The following GPR160 variants were observed in gnomAD, a reference collection of about 807,000 sequenced individuals.
The protein encoded by GPR160 is G protein-coupled receptor 160.
Under a neutral mutation model 2.6 loss-of-function variants are expected in GPR160, and 2 were observed. The ratio of observed to expected loss-of-function variants is 0.77; its 90% CI spans 0.32 to 2.44. The LOEUF is 2.44. GPR160 is among the 30% of genes most tolerant of loss of function. GPR160 has a pLI of 0.11. For missense variants in GPR160, 351 were observed against 383.6 expected, an observed-to-expected ratio of 0.91 and a Z score of 0.71; for synonymous variants, 130 against 132.2, an observed-to-expected ratio of 0.98 and a Z score of 0.12.
Position 170,048,832 on chromosome 3 carries a change from G to A in GPR160, c.-193+9789G>A, listed in dbSNP as rs76213041. 2.7e-3 allele frequency among the ~76,000 whole-genome samples: 408 copies of A among 152,282 alleles called. 9 individuals are homozygous for A. In the East Asian group the frequency reaches 0.068, roughly 26 times the overall value. On this transcript the variant is annotated intron_variant, in intron 2 of 3. Coordinates refer to ENST00000355897, the MANE Select transcript of GPR160 (RefSeq NM_014373.3). ...AGGCTTGCTCCATGCGTGGCCTGTCGGCTGGCAGCATGGCATCACCTGGGA... is the reference window on the plus strand; with the variant it reads ...AGGCTTGCTCCATGCGTGGCCTGTCAGCTGGCAGCATGGCATCACCTGGGA...
chr3:170,084,442 A>G lies in GPR160; in HGVS notation c.470A>G (p.Asp157Gly). The G allele has an allele frequency of 6.2e-7, 1 of 1,612,512 alleles. No homozygotes were observed. Among genetic ancestry groups the G allele is most frequent in the Non-Finnish European group, 8.5e-7 (1 of 1,178,636 alleles). The part of the protein sequence containing the change: ...WISVLAYVLG[D>G]PAIYQSLKAQ... ...TCAGTCCTTGCTTATGTTTTGGGAG[A>G]CCCAGCCATCTACCAAAGCCTGAAG... Residue 157 changes from aspartate (D) to glycine (G), a missense_variant, in exon 4 of 4, where the codon GAC (aspartate) becomes GGC (glycine). By Grantham distance (94) the Asp-to-Gly change is moderately conservative. Coordinates refer to ENST00000355897, the MANE Select transcript of GPR160 (RefSeq NM_014373.3).
intron 2 of GPR160, among the ~76,000 whole-genome samples, chr3:170,079,174 C>A (rs1713008405): frequency 6.6e-6 from 1 of 152,224 alleles, no homozygotes; most frequent in South Asian, 2.1e-4. Context: ...TTCAAGGCTG[C>A]TCTCTTCTTC....
chr3:170,084,404 T>TTTAA lies in GPR160; in HGVS notation c.435_438dup (p.Trp147AsnfsTer74). On this transcript the variant is annotated frameshift_variant, in exon 4 of 4. Coordinates refer to ENST00000355897, the MANE Select transcript of GPR160 (RefSeq NM_014373.3). LOFTEE classifies it low-confidence loss of function (END_TRUNC). ...AATTATTTTATTTCTTTACAGTAATTTTAATTTGGATTTCAGTCCTTGCTT... is the reference window on the plus strand; with the variant it reads ...AATTATTTTATTTCTTTACAGTAATTTTAATTAATTTGGATTTCAGTCCTTGCTT... 9 of 1,607,296 alleles carry TTTAA rather than the reference T, an allele frequency of 5.6e-6. No homozygotes were observed. Among genetic ancestry groups the TTTAA allele is most frequent in the Non-Finnish European group, 7.7e-6 (9 of 1,174,112 alleles).
intron 2 of GPR160, among the ~76,000 whole-genome samples, chr3:170,075,204 G>A (rs1400280270): frequency 6.6e-6 from 1 of 151,912 alleles, no homozygotes; most frequent in Non-Finnish European, 1.5e-5. Context: ...CTCCAGCCTG[G>A]GCAACAAGAG....
At chr3:170,042,433 A>AAG (rs1553766312) in intron 2 of GPR160, among the ~76,000 whole-genome samples, 22 of 150,978 alleles carry the variant, frequency 1.5e-4, no homozygotes, top group South Asian at 6.2e-4. Flanking sequence ...AAAAAAAAAA[A>AAG]AAAGAAAGAA....
chr3:170,053,041 T>C (rs1434618189), intron 2 of GPR160, among the ~76,000 whole-genome samples: 1 of 152,004 alleles, frequency 6.6e-6, no homozygotes, highest in Admixed American at 6.5e-5. Context: ...TTAAGCTCAT[T>C]GTCTTGAGTT....
At chr3:170,060,841 CATGACCAGTA>C (rs1385508021) in intron 2 of GPR160, among the ~76,000 whole-genome samples, 4 of 152,140 alleles carry the variant, frequency 2.6e-5, no homozygotes, top group East Asian at 1.9e-4. Flanking sequence ...CCTAACATCA[CATGACCAGTA>C]ATGAGACATG....
At chr3:170,055,701 C>G (rs188708306) in intron 2 of GPR160, among the ~76,000 whole-genome samples, 2 of 152,236 alleles carry the variant, frequency 1.3e-5, no homozygotes, top group Non-Finnish European at 2.9e-5. Flanking sequence ...GTGGCGCGAT[C>G]CCGGCTCACT....
In GPR160 at chr3:170,084,663, A is replaced by G. The variant is rs756783792; in HGVS notation, c.691A>G (p.Ser231Gly). 7.5e-6 allele frequency: 12 copies of G among 1,608,794 alleles called. No homozygotes were observed. Among genetic ancestry groups the G allele is most frequent in the Non-Finnish European group, 1.0e-5 (12 of 1,175,414 alleles). Residue 231 changes from serine (S) to glycine (G), a missense_variant, in exon 4 of 4, where the codon AGT (serine) becomes GGT (glycine). Ser to Gly is a moderately conservative substitution (Grantham distance 56). Transcript: ENST00000355897. ...ATATTTTCCTTTTTCATCCCACTCC[A>G]GTTATACTGTGAGATCTAAAAAAAT... ...ILYFPFSSHS[S>G]YTVRSKKIFL... is the part of the protein sequence containing the mutation.
At chr3:170,076,390 A>T (rs1253377766) in intron 2 of GPR160, among the ~76,000 whole-genome samples, 1 of 152,120 alleles carries the variant, frequency 6.6e-6, no homozygotes, top group Non-Finnish European at 1.5e-5. Flanking sequence ...TCAAGCGAAG[A>T]CCACATTTCA....
At chr3:170,041,045 G>A (rs1010858897) in intron 2 of GPR160, among the ~76,000 whole-genome samples, 2 of 152,054 alleles carry the variant, frequency 1.3e-5, no homozygotes, top group Admixed American at 1.3e-4. Flanking sequence ...TGTCATGCTT[G>A]GTCAGTACTT....
At chr3:170,056,063 T>A (rs760393708) in intron 2 of GPR160, among the ~76,000 whole-genome samples, 6 of 152,364 alleles carry the variant, frequency 3.9e-5, no homozygotes, top group African/African-American at 7.2e-5. Context: ...TGATTTTTTT[T>A]AAGATATATT....
At chr3:170,071,239 TG>T (rs1263985546) in intron 2 of GPR160, among the ~76,000 whole-genome samples, 1 of 152,174 alleles carries the variant, frequency 6.6e-6, no homozygotes, top group African/African-American at 2.4e-5. Context: ...ATCTGGATCA[TG>T]GGGGCAGATC....
Position 170,084,931 on chromosome 3 carries a change from C to A in GPR160, c.959C>A (p.Pro320Gln). 1 of 1,599,156 alleles carries A rather than the reference C, an allele frequency of 6.3e-7. No homozygotes were observed. Among genetic ancestry groups the A allele is most frequent in the Non-Finnish European group, 8.5e-7 (1 of 1,171,394 alleles). The change falls in exon 4 of 4, where the codon CCA becomes CAA. Residue 320 changes from proline to glutamine, a missense_variant. By Grantham distance (76) the Pro-to-Gln change is moderately conservative (BLOSUM62 -1). Transcript: ENST00000355897. ...GTCAACTGGAAGTGCTGCTTCATTC[C>A]ACTTACAATTCCTAATCTTGAGCAA... Reference protein sequence around the residue: ...PFVNWKCCFIPLTIPNLEQIE... With the variant: ...PFVNWKCCFIQLTIPNLEQIE...
chr3:170,064,535 T>TTTTTTTTTTTTC (rs1219393634), intron 2 of GPR160, among the ~76,000 whole-genome samples: 5 of 127,950 alleles, frequency 3.9e-5, no homozygotes, highest in Admixed American at 9.0e-5. Context: ...TTTTTTTTTT[T>TTTTTTTTTTTTC]TGAGGCAGAG....
chr3:170,042,883 A>AC (rs1716523250), intron 2 of GPR160, among the ~76,000 whole-genome samples: 1 of 116,494 alleles, frequency 8.6e-6, no homozygotes, highest in South Asian at 2.8e-4. Context: ...GTCTTCACAC[A>AC]CTTTTTTTTT....
At chr3:170,044,553 C>T (rs1233585885) in intron 2 of GPR160, among the ~76,000 whole-genome samples, 1 of 152,138 alleles carries the variant, frequency 6.6e-6, no homozygotes, top group Non-Finnish European at 1.5e-5. Context: ...AAAGGAATGG[C>T]TCCAAACTCC....
chr3:170,073,212 G>A (rs909594886), intron 2 of GPR160, among the ~76,000 whole-genome samples: 4 of 151,522 alleles, frequency 2.6e-5, no homozygotes, highest in Non-Finnish European at 5.9e-5. Flanking sequence ...AAAAATTATT[G>A]CCTATTATAA....
At position 170,084,614 on chromosome 3, in the gene GPR160, T is replaced by C; in HGVS notation, c.642T>C (p.Thr214=). The C allele has an allele frequency of 1.2e-6, 2 of 1,612,480 alleles. No homozygotes were observed. Among genetic ancestry groups the C allele is most frequent in the Non-Finnish European group, 1.7e-6 (2 of 1,178,566 alleles). ...CTTTGGTACAGGCTATCAGGATAAC[T>C]TCCTATATGAATGAAACTATCTTAT... is the stretch of plus-strand genomic sequence containing the variant. The part of the protein sequence containing the change: ...VTTLVQAIRI[T]SYMNETILYF... Residue 214 remains threonine (T), a synonymous_variant, in exon 4 of 4, where the codon ACT becomes ACC. Transcript: ENST00000355897.
Sources: allele counts gnomAD v4.1 joint callset (sites outside exome capture counted in the v4.1 genomes callset), GRCh38; gene constraint gnomAD v4.1.1; transcripts MANE v1.5; gene names NCBI Gene and HGNC (gene_info 2026-07-23, HGNC 2026-07-21).